Variants in EFCC1 observed in about 807,000 individuals in gnomAD.
The protein encoded by EFCC1 is EF-hand and coiled-coil domain-containing protein 1.
In EFCC1, 50 loss-of-function variants were observed where a neutral mutation model predicts 52.1. The ratio of observed to expected loss-of-function variants is 0.96; its 90% CI spans 0.76 to 1.21. The LOEUF (loss-of-function observed/expected upper bound fraction) is 1.21, where lower values mean the gene tolerates loss of function less well. Among genes scored for constraint, EFCC1 ranks in the 50% most tolerant of loss-of-function variants. EFCC1 has a pLI of 0.00. For missense variants in EFCC1, 837 were observed against 867.3 expected, an observed-to-expected ratio of 0.97 and a Z score of 0.44; for synonymous variants, 399 against 396.5, an observed-to-expected ratio of 1.01 and a Z score of -0.08.
chr3:129,001,525 G>T lies in EFCC1; in HGVS notation c.-104G>T. On this transcript the variant is annotated 5_prime_UTR_variant, in exon 1 of 8. Coordinates refer to ENST00000683648, the MANE Select transcript of EFCC1 (RefSeq NM_001377500.1). ...CCCGGCGCCGCTCCAACCAGACCGC[G>T]ACCGCTAAGCCCCTCCTTTCGAGAA... The T allele has an allele frequency of 1.5e-6, 2 of 1,331,790 alleles. No homozygotes were observed. Among genetic ancestry groups the T allele is most frequent in the South Asian group, 2.0e-5 (1 of 49,266 alleles). The allele number at this position is 1,331,790 out of a possible 1,614,324, so 82.5% of individuals were successfully genotyped here.
chr3:129,036,917 T>C, intron 5 of EFCC1, 60 bp from the exon 6 acceptor site: 1 of 1,610,602 alleles, frequency 6.2e-7, no homozygotes, highest in Non-Finnish European at 8.5e-7. Flanking sequence ...TAGTTGATCC[T>C]GCCACCTGGA....
At position 129,039,827 on chromosome 3, in the gene EFCC1, C is replaced by T. The variant is rs539668426; in HGVS notation, c.1779C>T (p.Asn593=). 1.2e-6 allele frequency: 2 copies of T among 1,609,250 alleles called. No homozygotes were observed. Among genetic ancestry groups the T allele is most frequent in the Admixed American group, 3.4e-5 (2 of 59,700 alleles). The change falls in exon 8 of 8, where the codon AAC becomes AAT. Residue 593 remains asparagine (N), a synonymous_variant. Coordinates refer to ENST00000683648, the MANE Select transcript of EFCC1 (RefSeq NM_001377500.1). ...CCTCTGCAGCAGCTGCGCTCACCAA[C>T]CCCCTCCTCGTCTCCTGCTGAGGTT... ...APASAAAALT[N]PLLVSC is the part of the protein sequence containing the mutation.
At chr3:129,002,946 G>A (rs541412577) in intron 1 of EFCC1, among the ~76,000 whole-genome samples, 1 of 152,320 alleles carries the variant, frequency 6.6e-6, no homozygotes, top group East Asian at 1.9e-4. Flanking sequence ...AAACCATGGG[G>A]TGAGATAGGG....
chr3:129,004,190 T>A, intron 2 of EFCC1, 113 bp downstream of exon 2: 1 of 1,244,334 alleles, frequency 8.0e-7, no homozygotes, highest in Non-Finnish European at 1.0e-6. Flanking sequence ...AGTTTCTCCA[T>A]GCGTTTATTC....
chr3:129,016,995 G>A (rs1053571720), intron 2 of EFCC1, among the ~76,000 whole-genome samples: 1 of 152,200 alleles, frequency 6.6e-6, no homozygotes, highest in Non-Finnish European at 1.5e-5. Context: ...AGTTTTCAAG[G>A]ACCTGATTCA....
chr3:129,037,001 G>T lies in EFCC1; in HGVS notation c.1477G>T (p.Glu493Ter), dbSNP rs1946362319. Residue 493 changes from glutamate (E) to a stop codon, truncating the protein, a stop_gained, in exon 6 of 8, where the codon GAG becomes TAG. Transcript: ENST00000683648. LOFTEE classifies it high-confidence loss of function. ...GGCAGAGTTGCAGCAGAAGGTGGAA[G>T]AGAATGAGCACCTGAGGCTGGAGCT... ...EEAELQQKVE[E>*]NEHLRLELQM... 1 of 1,613,988 alleles carries T rather than the reference G, an allele frequency of 6.2e-7. No individual in the cohort carries two copies.
chr3:129,013,500 G>T (rs1008015758), intron 2 of EFCC1, among the ~76,000 whole-genome samples: 2 of 152,094 alleles, frequency 1.3e-5, no homozygotes, highest in African/African-American at 4.8e-5. Flanking sequence ...CTCCTAGTTG[G>T]CTCTGATTTC....
chr3:129,034,881 G>A (rs1320972491), intron 5 of EFCC1, among the ~76,000 whole-genome samples: 1 of 152,166 alleles, frequency 6.6e-6, no homozygotes, highest in African/African-American at 2.4e-5. Context: ...TTCAGTGATT[G>A]GCACTGCCAC....
intron 2 of EFCC1, among the ~76,000 whole-genome samples, chr3:129,028,348 T>A (rs1946188041): frequency 6.6e-6 from 1 of 152,020 alleles, no homozygotes; most frequent in Admixed American, 6.6e-5. Context: ...CCTCCCAAAG[T>A]GCTGGGATTA....
At chr3:129,020,231 A>G (rs1046695502) in intron 2 of EFCC1, among the ~76,000 whole-genome samples, 1 of 152,218 alleles carries the variant, frequency 6.6e-6, no homozygotes, top group Non-Finnish European at 1.5e-5. Context: ...AGGAAGCTGT[A>G]AACAGAGTGT....
chr3:129,004,337 CCCAT>C (rs1009834895), intron 2 of EFCC1, among the ~76,000 whole-genome samples: 10 of 149,214 alleles, frequency 6.7e-5, no homozygotes, highest in African/African-American at 2.0e-4. Context: ...CACACACCCA[CCCAT>C]CCATCCATCC....
chr3:129,032,247 C>T (rs1946287180), intron 3 of EFCC1, among the ~76,000 whole-genome samples: 1 of 152,204 alleles, frequency 6.6e-6, no homozygotes, highest in Non-Finnish European at 1.5e-5. Flanking sequence ...CACCCCAGCT[C>T]CTAAGAGACT....
rs1944764482 is a variant in EFCC1 at position 129,001,701 on chromosome 3, C to G, written c.73C>G (p.Arg25Gly). Residue 25 changes from arginine (R) to glycine (G), a missense_variant, in exon 1 of 8, where the codon CGG becomes GGG. Transcript: ENST00000683648. ...AGGDPYRRPARRTQWLLSALA... is the reference protein window; with the variant it reads ...AGGDPYRRPAGRTQWLLSALA... ...AGGTGACCCGTACCGGCGACCTGCG[C>G]GGCGCACGCAGTGGCTGCTGAGCGC... is the stretch of plus-strand genomic sequence containing the variant. The G allele has an allele frequency of 2.7e-6, 4 of 1,499,332 alleles. No homozygotes were observed. The highest frequency in any genetic ancestry group is 3.7e-4 in the Middle Eastern group (2 of 5,420). 92.9% of individuals were successfully genotyped at this position (1,499,332 alleles called of 1,614,324 possible).
intron 2 of EFCC1, among the ~76,000 whole-genome samples, chr3:129,020,243 G>A (rs770411672): frequency 6.6e-6 from 1 of 152,134 alleles, no homozygotes; most frequent in Non-Finnish European, 1.5e-5. Flanking sequence ...ACAGAGTGTG[G>A]GAGTTAATAT....
chr3:129,001,954 C>T lies in EFCC1; in HGVS notation c.326C>T (p.Thr109Ile). 9.1e-6 allele frequency: 14 copies of T among 1,543,802 alleles called. No homozygotes were observed. Among genetic ancestry groups the T allele is most frequent in the Non-Finnish European group, 1.2e-5 (14 of 1,144,120 alleles). Residue 109 changes from threonine (T) to isoleucine (I), a missense_variant, in exon 1 of 8, where the codon ACC (threonine) becomes ATC (isoleucine). By Grantham distance (89) the Thr-to-Ile change is moderately conservative. Coordinates refer to ENST00000683648, the MANE Select transcript of EFCC1 (RefSeq NM_001377500.1). The stretch of plus-strand genomic sequence containing the variant: ...GGTGACGGGAACTCCAGAGATGTGA[C>T]CCCCGGGGATGCGGCCGCTGAGTTG... ...AAGDGNSRDV[T>I]PGDAAAELAT...
intron 4 of EFCC1, 140 bp downstream of exon 4, chr3:129,033,106 G>A: frequency 7.8e-7 from 1 of 1,277,976 alleles, no homozygotes; most frequent in Non-Finnish European, 1.0e-6. Flanking sequence ...TTGTCCCTCA[G>A]GGGGAGGTGG....
At chr3:129,029,971 G>A (rs113735452) in intron 2 of EFCC1, among the ~76,000 whole-genome samples, 67 of 151,918 alleles carry the variant, frequency 4.4e-4, no homozygotes, top group Non-Finnish European at 5.0e-4. Flanking sequence ...GATTGCCTGA[G>A]CTCAGGAGTT....
rs565570515 is a variant in EFCC1, at chr3:129,028,628, GCTTTT to G, written c.981-2069_981-2065del. Among the ~76,000 whole-genome samples the G allele has an allele frequency of 4.8e-4, 73 of 151,720 alleles. 2 individuals carry two copies. The East Asian group carries it at 0.012, about 26-fold the overall frequency. On this transcript the variant is annotated intron_variant, in intron 2 of 7. Transcript: ENST00000683648. The stretch of plus-strand genomic sequence containing the variant: ...GCAAAAATATCTCAGGCCTTTGTTG[GCTTTT>G]CTTTTTTCTTTTTTTTTTCTTTTCT...
chr3:129,014,906 G>A lies in EFCC1; in HGVS notation c.980+10829G>A, dbSNP rs540673184. ...AAGAGCCCTCCTCACCTGTACACAC[G>A]GAGTCCTGCTAAGTCTCAGCTCCAA... is the stretch of plus-strand genomic sequence containing the variant. On this transcript the variant is annotated intron_variant, in intron 2 of 7. Coordinates refer to ENST00000683648, the MANE Select transcript of EFCC1 (RefSeq NM_001377500.1). This position sits in a 1 kb window ranked among gnomAD's most constrained non-coding sequence, Gnocchi z 4.3. Among the ~76,000 whole-genome samples, 3 of 152,028 alleles carry A rather than the reference G, an allele frequency of 2.0e-5. No individual in the cohort carries two copies. Among genetic ancestry groups the A allele is most frequent in the Non-Finnish European group, 2.9e-5 (2 of 68,000 alleles).
Sources: gnomAD v4.1 joint callset for allele counts (sites outside exome capture counted in the v4.1 genomes callset) on GRCh38, gnomAD v4.1.1 for gene constraint, Gnocchi (gnomAD v3.1) non-coding constraint, MANE v1.5 for transcripts, NCBI Gene and HGNC (gene_info 2026-07-23, HGNC 2026-07-21) for gene names.